The following USO1 variants were observed in gnomAD, a reference collection of about 807,000 sequenced individuals.
USO1 encodes general vesicular transport factor p115.
Under a neutral mutation model 124.5 loss-of-function variants are expected in USO1, and 57 were observed. The observed-to-expected ratio is 0.46, with a 90% CI of 0.37 to 0.57. USO1 has a LOEUF of 0.57. Ranked by LOEUF, USO1 falls within the 20% of genes least tolerant of loss-of-function variation. The pLI is 0.00. For missense variants in USO1, 900 were observed against 1,040.6 expected (o/e 0.86, Z 1.86); for synonymous variants, 369 against 362.8 (o/e 1.02, Z -0.19).
intron 4 of USO1, among the ~76,000 whole-genome samples, chr4:75,758,947 C>T (rs886883531): frequency 3.3e-5 from 5 of 152,060 alleles, no homozygotes; most frequent in African/African-American, 1.2e-4. Context: ...TTAGATGCAA[C>T]GCAGTTGTTC....
At chr4:75,778,744 A>C (rs142574474) in intron 8 of USO1, among the ~76,000 whole-genome samples, 1 of 152,352 alleles carries the variant, frequency 6.6e-6, no homozygotes, top group East Asian at 1.9e-4. Context: ...TTTATAGCAC[A>C]GAGTGAACCT....
In USO1 at chr4:75,790,764, A is replaced by G. The variant is rs1365147935; in HGVS notation, c.1207A>G (p.Ile403Val). 1 of 1,612,106 alleles carries G rather than the reference A, an allele frequency of 6.2e-7. No homozygotes were observed. Among genetic ancestry groups the G allele is most frequent in the Admixed American group, 1.7e-5 (1 of 59,776 alleles). Reference sequence around the variant, plus strand: ...TAAAAACCAAAAAGGACAAGGAGAAATCGTGTCAACACTTTTACCTTCTAC... The same window carrying G: ...TAAAAACCAAAAAGGACAAGGAGAAGTCGTGTCAACACTTTTACCTTCTAC... ...LYKNQKGQGEIVSTLLPSTID... is the reference protein window; with the variant it reads ...LYKNQKGQGEVVSTLLPSTID... Residue 403 changes from isoleucine to valine, a missense_variant, in exon 12 of 24, where the codon ATC becomes GTC. Coordinates refer to ENST00000514213, the MANE Select transcript of USO1 (RefSeq NM_003715.4).
At chr4:75,781,596 T>G (rs1382747839) in intron 8 of USO1, among the ~76,000 whole-genome samples, 1 of 152,182 alleles carries the variant, frequency 6.6e-6, no homozygotes, top group Admixed American at 6.5e-5. Context: ...AAATGTAACT[T>G]TTGTATACAC....
At chr4:75,779,443 C>T (rs566845165) in intron 8 of USO1, among the ~76,000 whole-genome samples, 5 of 152,126 alleles carry the variant, frequency 3.3e-5, no homozygotes, top group South Asian at 2.1e-4. Context: ...GCAAAGGAAA[C>T]GTTCTTAAGA....
chr4:75,787,888 T>C (rs1722407525), intron 10 of USO1, among the ~76,000 whole-genome samples: 1 of 152,062 alleles, frequency 6.6e-6, no homozygotes, highest in Non-Finnish European at 1.5e-5. Flanking sequence ...TTTTTAAATA[T>C]ATATTTTTCT....
At chr4:75,813,062 G>A (rs922331815) in intron 23 of USO1, 144 bp from the exon 24 acceptor site, 62 of 757,674 alleles carry the variant, frequency 8.2e-5, no homozygotes, top group South Asian at 1.5e-4. Context: ...GCAGTGAGCC[G>A]AGATCGCACC....
chr4:75,804,519 G>A (rs1322153720), intron 18 of USO1, among the ~76,000 whole-genome samples: 1 of 152,072 alleles, frequency 6.6e-6, no homozygotes, highest in African/African-American at 2.4e-5. Context: ...AACCCTGGCT[G>A]CATATTAGAA....
intron 3 of USO1, among the ~76,000 whole-genome samples, chr4:75,753,256 A>C (rs1200272014): frequency 6.6e-6 from 1 of 151,526 alleles, no homozygotes; most frequent in East Asian, 2.0e-4. Context: ...AAATTAGGCC[A>C]GGCATGGTGT....
chr4:75,790,595 C>CT (rs758514712), intron 11 of USO1, 48 bp from the exon 12 acceptor site: 3 of 1,571,498 alleles, frequency 1.9e-6, no homozygotes, highest in Non-Finnish European at 2.6e-6. Flanking sequence ...GACTTGTATA[C>CT]TTGGGTTGCA....
chr4:75,800,518 CT>C (rs35563762), intron 15 of USO1, 49 bp downstream of exon 15: 80,364 of 1,305,358 alleles, frequency 0.062, 63 homozygotes, highest in African/African-American at 0.11. Flanking sequence ...GATAATGATG[CT>C]TTTTTTTTTT....
In USO1 at chr4:75,805,170, G is replaced by A. The variant is rs1722957365; in HGVS notation, c.2156G>A (p.Ser719Asn). The A allele has an allele frequency of 1.2e-6, 2 of 1,608,304 alleles. No homozygotes were observed. Among genetic ancestry groups the A allele is most frequent in the African/African-American group, 1.3e-5 (1 of 74,596 alleles). ...GACAATCAGCATCAAGGTTCTTACA[G>A]TGAGGGGGCTCAGATGAATGGCATT... ...GKDNQHQGSY[S>N]EGAQMNGIQP... The change falls in exon 19 of 24, where the codon AGT becomes AAT. Residue 719 changes from serine to asparagine, a missense_variant. By Grantham distance (46) the Ser-to-Asn change is conservative. Around this residue, in one of 2 missense-constraint regions of USO1, gnomAD observed 362 missense variants for 359.0 expected, o/e 1.01. Transcript: ENST00000514213.
chr4:75,780,598 C>T (rs1304019270), intron 8 of USO1, among the ~76,000 whole-genome samples: 2 of 142,382 alleles, frequency 1.4e-5, no homozygotes, highest in African/African-American at 5.2e-5. Context: ...ACTGTTAACA[C>T]AACATGCATT....
chr4:75,725,047 A>G (rs1022686332), intron 1 of USO1, 162 bp downstream of exon 1: 19 of 750,390 alleles, frequency 2.5e-5, no homozygotes, highest in Admixed American at 2.3e-4. Context: ...TCCCAGAGTT[A>G]TTCAATCACG....
intron 17 of USO1, 78 bp downstream of exon 17, chr4:75,801,278 A>G (rs1722844121): frequency 7.0e-7 from 1 of 1,422,716 alleles, no homozygotes; most frequent in African/African-American, 1.4e-5. Flanking sequence ...TTTTTCTGAC[A>G]TTTCAAATGA....
chr4:75,768,868 A>T (rs1018652889), intron 4 of USO1, among the ~76,000 whole-genome samples: 1 of 152,224 alleles, frequency 6.6e-6, no homozygotes, highest in Non-Finnish European at 1.5e-5. Flanking sequence ...ACTGATATCT[A>T]TGTTAGTATT....
Position 75,774,671 on chromosome 4 carries a change from T to C in USO1, c.556-5T>C, listed in dbSNP as rs1480443326. On this transcript the variant is annotated splice_region_variant and splice_polypyrimidine_tract_variant and intron_variant, in intron 7 of 23. Transcript: ENST00000514213. Reference sequence around the variant, plus strand: ...TCCACTAAACATTCTCTTTCTTCTCTATAGGGCGTCTTACTACTGCAGGCA... The same window carrying C: ...TCCACTAAACATTCTCTTTCTTCTCCATAGGGCGTCTTACTACTGCAGGCA... The C allele has an allele frequency of 3.1e-6, 5 of 1,610,220 alleles. No homozygotes were observed. Among genetic ancestry groups the C allele is most frequent in the South Asian group, 1.1e-5 (1 of 90,332 alleles).
intron 3 of USO1, among the ~76,000 whole-genome samples, chr4:75,757,224 T>C (rs1156858534): frequency 6.6e-6 from 1 of 152,124 alleles, no homozygotes; most frequent in Non-Finnish European, 1.5e-5. Flanking sequence ...TTCTCAGGAT[T>C]CAAAGTAAAA....
intron 11 of USO1, 82 bp downstream of exon 11, chr4:75,790,320 CT>C: frequency 6.8e-7 from 1 of 1,466,598 alleles, no homozygotes. Context: ...ACATCTTACT[CT>C]TTTTAAAGAA....
At chr4:75,781,398 A>G (rs1475049140) in intron 8 of USO1, among the ~76,000 whole-genome samples, 2 of 152,238 alleles carry the variant, frequency 1.3e-5, no homozygotes, top group Non-Finnish European at 2.9e-5. Context: ...AACTTAGTTG[A>G]TAAAGCAGTG....
Sources: allele counts gnomAD v4.1 joint callset (sites outside exome capture counted in the v4.1 genomes callset), GRCh38; gene constraint gnomAD v4.1.1; regional missense constraint gnomAD v4.1.1; transcripts MANE v1.5; gene names NCBI Gene and HGNC (gene_info 2026-07-23, HGNC 2026-07-21).